PSMD8: variants seen among roughly 807,000 people sequenced by gnomAD.
PSMD8 encodes the protein 26S proteasome non-ATPase regulatory subunit 8.
In PSMD8, 30 loss-of-function variants were observed where a neutral mutation model predicts 40.0. The ratio of observed to expected loss-of-function variants is 0.75; its 90% CI spans 0.56 to 1.02. The LOEUF (loss-of-function observed/expected upper bound fraction) is 1.02, where lower values mean the gene tolerates loss of function less well. Ranked by LOEUF, PSMD8 falls within the 50% of genes least tolerant of loss-of-function variation. The probability of loss-of-function intolerance (pLI) is 0.00; values close to 1 mark genes in which losing one functional copy is unlikely to be tolerated. For synonymous variants in PSMD8, 208 were observed against 192.5 expected, an observed-to-expected ratio of 1.08 and a Z score of -0.67; for missense variants, 461 against 463.9, an observed-to-expected ratio of 0.99 and a Z score of 0.06.
At position 38,374,792 on chromosome 19, in the gene PSMD8, T is replaced by C. The variant is rs1217368277; in HGVS notation, c.191T>C (p.Met64Thr). 1.3e-6 allele frequency: 2 copies of C among 1,572,580 alleles called. No homozygotes were observed. Among genetic ancestry groups the C allele is most frequent in the Non-Finnish European group, 1.7e-6 (2 of 1,164,998 alleles). The change falls in exon 1 of 7, where the codon ATG becomes ACG. Residue 64 changes from methionine (M) to threonine (T), a missense_variant. Physicochemically the swap from Met to Thr is moderately conservative, Grantham distance 81 (BLOSUM62 -1). Around this residue, in one of 2 missense-constraint regions of PSMD8, gnomAD observed 225 missense variants for 142.7 expected, o/e 1.58. Transcript: ENST00000215071. The stretch of plus-strand genomic sequence containing the variant: ...GGTCTGCTTGCCGCATCACGCAAGA[T>C]GGCGGCCGCGGCGGTGAACGGGGCG... ...SGGLLAASRK[M>T]AAAAVNGAAG... is the part of the protein sequence containing the mutation.
chr19:38,381,787 AC>A (rs1970642565), intron 5 of PSMD8, among the ~76,000 whole-genome samples: 1 of 152,076 alleles, frequency 6.6e-6, no homozygotes, highest in African/African-American at 2.4e-5. Flanking sequence ...GGGGTGCAGC[AC>A]CCTGGTGATG....
intron 4 of PSMD8, among the ~76,000 whole-genome samples, chr19:38,379,978 T>C (rs1458494284): frequency 6.6e-6 from 1 of 151,996 alleles, no homozygotes; most frequent in Non-Finnish European, 1.5e-5. Flanking sequence ...AATAAATGAA[T>C]AAAAACATAT....
rs1251834948 is a variant in PSMD8, at chr19:38,382,241, C to T, written c.915+13C>T. On this transcript the variant is annotated intron_variant, in intron 6 of 6. Coordinates refer to ENST00000215071, the MANE Select transcript of PSMD8 (RefSeq NM_002812.5). ...CTACGCCAAGAAGGTGGCTGGGGTA[C>T]AGGGCAAGGGGCCGTGGGACCAAGG... is the stretch of plus-strand genomic sequence containing the variant. 1.3e-6 allele frequency: 2 copies of T among 1,569,744 alleles called. No homozygotes were observed. Among genetic ancestry groups the T allele is most frequent in the Non-Finnish European group, 8.7e-7 (1 of 1,155,948 alleles).
intron 5 of PSMD8, 87 bp from the exon 6 acceptor site, chr19:38,382,030 T>C: frequency 1.1e-6 from 1 of 891,120 alleles, no homozygotes; most frequent in Non-Finnish European, 1.8e-6. Flanking sequence ...AACTCCAGGG[T>C]CAGAGCTGAC....
intron 1 of PSMD8, 53 bp downstream of exon 1, chr19:38,375,014 G>C: frequency 6.5e-7 from 1 of 1,533,168 alleles, no homozygotes; most frequent in Non-Finnish European, 8.7e-7. Context: ...GAGGCGCTAC[G>C]AGGTGTCTGG....
In PSMD8 at chr19:38,374,857, G is replaced by C. The variant is rs1272144171; in HGVS notation, c.256G>C (p.Ala86Pro). The C allele has an allele frequency of 2.5e-6, 4 of 1,583,126 alleles. No individual in the cohort carries two copies. The South Asian group carries it at 4.5e-5, about 18-fold the overall frequency. ...SSSGPAATSG[A>P]VLQAATGMYE... ...CTCCGGGCCCGCGGCAACCTCGGGC[G>C]CTGTTCTGCAGGCCGCGACCGGCAT... is the stretch of plus-strand genomic sequence containing the variant. The change falls in exon 1 of 7, where the codon GCT becomes CCT. Residue 86 changes from alanine to proline, a missense_variant. Physicochemically the swap from Ala to Pro is conservative, Grantham distance 27 (BLOSUM62 -1). Around this residue, in one of 2 missense-constraint regions of PSMD8, gnomAD observed 225 missense variants for 142.7 expected, o/e 1.58. Transcript: ENST00000215071.
chr19:38,383,311 C>T lies in PSMD8; in HGVS notation c.974C>T (p.Pro325Leu), dbSNP rs571170493. The stretch of plus-strand genomic sequence containing the variant: ...AGTTTTGCCAGCCAGCAGCAGAAGC[C>T]GGAAGACACCACCATTCCCTCCACA... ...YYSFASQQQK[P>L]EDTTIPSTEL... Residue 325 changes from proline to leucine, a missense_variant, in exon 7 of 7, where the codon CCG becomes CTG. Pro to Leu is a moderately conservative substitution (Grantham distance 98). Coordinates refer to ENST00000215071, the MANE Select transcript of PSMD8 (RefSeq NM_002812.5). 15 of 1,613,682 alleles carry T rather than the reference C, an allele frequency of 9.3e-6. No homozygotes were observed. The highest frequency in any genetic ancestry group is 3.3e-5 in the Admixed American group (2 of 59,964).
In PSMD8 at chr19:38,383,489, G is replaced by A; in HGVS notation, c.*99G>A. ...GGTGGACTGACATTCCCTCTTCCAG[G>A]CCCTTGTCTCCCCAGTTGGGACGGC... On this transcript the variant is annotated 3_prime_UTR_variant, in exon 7 of 7. Coordinates refer to ENST00000215071, the MANE Select transcript of PSMD8 (RefSeq NM_002812.5). 1.3e-6 allele frequency: 2 copies of A among 1,493,446 alleles called. No homozygotes were observed. Among genetic ancestry groups the A allele is most frequent in the Non-Finnish European group, 1.8e-6 (2 of 1,088,958 alleles). 92.5% of individuals were successfully genotyped at this position (1,493,446 alleles called of 1,614,324 possible).
In PSMD8 at chr19:38,383,323, C is replaced by T. The variant is rs1347056391; in HGVS notation, c.986C>T (p.Thr329Ile). Residue 329 changes from threonine to isoleucine, a missense_variant, in exon 7 of 7, where the codon ACC (threonine) becomes ATC (isoleucine). Physicochemically the swap from Thr to Ile is moderately conservative, Grantham distance 89. This residue lies in a region of PSMD8 where 236 missense variants were observed against 321.2 expected (regional missense o/e 0.73). Coordinates refer to ENST00000215071, the MANE Select transcript of PSMD8 (RefSeq NM_002812.5). ...ASQQQKPEDT[T>I]IPSTELAKQV... ...CAGCAGCAGAAGCCGGAAGACACCA[C>T]CATTCCCTCCACAGAACTGGCCAAA... is the stretch of plus-strand genomic sequence containing the variant. 4.3e-6 allele frequency: 7 copies of T among 1,613,816 alleles called. No individual in the cohort carries two copies. Among genetic ancestry groups the T allele is most frequent in the Non-Finnish European group, 5.9e-6 (7 of 1,179,882 alleles).
At chr19:38,379,664 C>A (rs1970624145) in intron 4 of PSMD8, among the ~76,000 whole-genome samples, 1 of 152,064 alleles carries the variant, frequency 6.6e-6, no homozygotes, top group Admixed American at 6.6e-5. Flanking sequence ...GATAGTAAGC[C>A]CGAAGAGTGA....
intron 4 of PSMD8, among the ~76,000 whole-genome samples, chr19:38,380,359 C>T (rs1254274138): frequency 1.3e-5 from 2 of 152,200 alleles, no homozygotes; most frequent in African/African-American, 4.8e-5. Context: ...TGAGGCAGTA[C>T]TGTGTCTGCT....
chr19:38,376,242 A>T lies in PSMD8; in HGVS notation c.433+10A>T. ...CAGCTAATTCTGGCCCGTGAGTGTCACTGGGGTTGGTTGGGGGTGATAATC... is the reference window on the plus strand; with the variant it reads ...CAGCTAATTCTGGCCCGTGAGTGTCTCTGGGGTTGGTTGGGGGTGATAATC... On this transcript the variant is annotated intron_variant, in intron 2 of 6. Transcript: ENST00000215071. 4 of 1,591,826 alleles carry T rather than the reference A, an allele frequency of 2.5e-6. No individual in the cohort carries two copies. Among genetic ancestry groups the T allele is most frequent in the Non-Finnish European group, 3.4e-6 (4 of 1,167,824 alleles).
Position 38,376,434 on chromosome 19 carries a change from A to C in PSMD8, c.516A>C (p.Lys172Asn). Residue 172 changes from lysine (K) to asparagine (N), a missense_variant, in exon 3 of 7, where the codon AAA becomes AAC. By Grantham distance (94) the Lys-to-Asn change is moderately conservative. Transcript: ENST00000215071. Reference sequence around the variant, plus strand: ...TCGAGCGCTACATGGCCCAGCTCAAATGCTACTACTTTGATTACAAGTGAG... The same window carrying C: ...TCGAGCGCTACATGGCCCAGCTCAACTGCTACTACTTTGATTACAAGTGAG... Reference protein sequence around the residue: ...PSFERYMAQLKCYYFDYKEQL... With the variant: ...PSFERYMAQLNCYYFDYKEQL... 1 of 1,551,686 alleles carries C rather than the reference A, an allele frequency of 6.4e-7. No individual in the cohort carries two copies. Among genetic ancestry groups the C allele is most frequent in the Non-Finnish European group, 8.7e-7 (1 of 1,146,772 alleles).
At position 38,382,201 on chromosome 19, in the gene PSMD8, CA is replaced by C; in HGVS notation, c.893del (p.Lys298ArgfsTer2). The C allele has an allele frequency of 6.3e-7, 1 of 1,596,264 alleles. No individual in the cohort carries two copies. The highest frequency in any genetic ancestry group is 8.5e-7 in the Non-Finnish European group (1 of 1,171,862). On this transcript the variant is annotated frameshift_variant, in exon 6 of 7. Coordinates refer to ENST00000215071, the MANE Select transcript of PSMD8 (RefSeq NM_002812.5). LOFTEE classifies it high-confidence loss of function. ...ATRILFFNTP[K>X]KMTDYAKKRG... is the part of the protein sequence containing the mutation. ...CCCGGATCCTCTTCTTCAACACACC[CA>C]AAAAGATGACAGACTACGCCAAGAA...
intron 3 of PSMD8, 81 bp downstream of exon 3, chr19:38,376,535 C>T (rs1970600031): frequency 8.0e-7 from 1 of 1,245,678 alleles, no homozygotes; most frequent in Non-Finnish European, 1.1e-6. Context: ...TGCTTGGGTC[C>T]TCTTCCTTCA....
chr19:38,375,114 C>A, intron 1 of PSMD8, 153 bp downstream of exon 1: 1 of 1,293,740 alleles, frequency 7.7e-7, no homozygotes. Context: ...AGATTTGGAA[C>A]AGCCAAAGTG....
Position 38,376,188 on chromosome 19 carries a change from C to A in PSMD8, c.389C>A (p.Pro130Gln), listed in dbSNP as rs749999500. 1.9e-5 allele frequency: 30 copies of A among 1,609,662 alleles called. No individual in the cohort carries two copies. Among genetic ancestry groups the A allele is most frequent in the Non-Finnish European group, 2.5e-5 (29 of 1,177,914 alleles). Reference sequence around the variant, plus strand: ...GTTCTTCTGGAGCTCAACTTCTTGCCAACCACAGGGACCAAGCTGACCAAA... The same window carrying A: ...GTTCTTCTGGAGCTCAACTTCTTGCAAACCACAGGGACCAAGCTGACCAAA... ...KLVLLELNFL[P>Q]TTGTKLTKQQ... Residue 130 changes from proline (P) to glutamine (Q), a missense_variant, in exon 2 of 7, where the codon CCA becomes CAA. Pro to Gln is a moderately conservative substitution (Grantham distance 76). Transcript: ENST00000215071.
Position 38,376,201 on chromosome 19 carries a change from C to T in PSMD8, c.402C>T (p.Thr134=). The T allele has an allele frequency of 6.2e-7, 1 of 1,608,400 alleles. No individual in the cohort carries two copies. Among genetic ancestry groups the T allele is most frequent in the Non-Finnish European group, 8.5e-7 (1 of 1,177,236 alleles). The change falls in exon 2 of 7, where the codon ACC becomes ACT. Residue 134 remains threonine (T), a synonymous_variant. Coordinates refer to ENST00000215071, the MANE Select transcript of PSMD8 (RefSeq NM_002812.5). The stretch of plus-strand genomic sequence containing the variant: ...TCAACTTCTTGCCAACCACAGGGAC[C>T]AAGCTGACCAAACAGCAGCTAATTC... The part of the protein sequence containing the change: ...LELNFLPTTG[T]KLTKQQLILA...
chr19:38,374,580 C>CA lies in PSMD8; in HGVS notation c.-21dup. 3.5e-6 allele frequency: 5 copies of CA among 1,444,268 alleles called. No homozygotes were observed. The highest frequency in any genetic ancestry group is 3.6e-6 in the Non-Finnish European group (4 of 1,102,206). 89.5% of individuals were successfully genotyped at this position (1,444,268 alleles called of 1,614,324 possible). On this transcript the variant is annotated 5_prime_UTR_variant, in exon 1 of 7. Coordinates refer to ENST00000215071, the MANE Select transcript of PSMD8 (RefSeq NM_002812.5). ...TTCCGGTCACCATCTTGAGTGACGACAGAGGCGGAGCTCCAACTGACATGT... is the reference window on the plus strand; with the variant it reads ...TTCCGGTCACCATCTTGAGTGACGACAAGAGGCGGAGCTCCAACTGACATGT...
Sources: allele counts gnomAD v4.1 joint callset (sites outside exome capture counted in the v4.1 genomes callset), GRCh38; gene constraint gnomAD v4.1.1; regional missense constraint gnomAD v4.1.1; transcripts MANE v1.5; gene names NCBI Gene and HGNC (gene_info 2026-07-23, HGNC 2026-07-21).